PLPPR5: variants seen among roughly 807,000 people sequenced by gnomAD.
PLPPR5 encodes the protein phospholipid phosphatase-related protein type 5.
PLPPR5 carries 16 observed loss-of-function variants against 33.9 expected under a neutral mutation model. The observed-to-expected ratio is 0.47, with a 90% CI of 0.32 to 0.72. PLPPR5 has a LOEUF of 0.72. Among genes scored for constraint, PLPPR5 ranks in the 30% least tolerant of loss-of-function variants. The probability of loss-of-function intolerance (pLI) is 0.03; values close to 1 mark genes in which losing one functional copy is unlikely to be tolerated. For synonymous variants in PLPPR5, 163 were observed against 150.3 expected (o/e 1.08, Z -0.62); for missense variants, 301 against 406.7 (o/e 0.74, Z 2.23).
intron 5 of PLPPR5, among the ~76,000 whole-genome samples, chr1:98,902,477 C>A (rs572531299): frequency 1.5e-4 from 23 of 152,174 alleles, no homozygotes; most frequent in African/African-American, 5.3e-4. Flanking sequence ...TTACTGATTT[C>A]TTCTTTAATC....
At chr1:98,984,673 T>C (rs1218563628) in intron 1 of PLPPR5, among the ~76,000 whole-genome samples, 1 of 152,080 alleles carries the variant, frequency 6.6e-6, no homozygotes, top group African/African-American at 2.4e-5. Flanking sequence ...AAGTGACTAA[T>C]TGATAAGAAA....
intron 1 of PLPPR5, chr1:99,004,167 G>C: frequency 2.0e-6 from 1 of 497,766 alleles, no homozygotes; most frequent in Non-Finnish European, 3.6e-6. Context: ...CACCACCTAC[G>C]GCCCCTCTTC....
intron 5 of PLPPR5, among the ~76,000 whole-genome samples, chr1:98,909,863 C>A (rs529009735): frequency 6.6e-6 from 1 of 152,126 alleles, no homozygotes; most frequent in African/African-American, 2.4e-5. Flanking sequence ...ATGCAACGGG[C>A]CAGTTTCCAC....
intron 1 of PLPPR5, among the ~76,000 whole-genome samples, chr1:98,984,078 C>G (rs72732412): frequency 0.07 from 10,630 of 151,914 alleles, 506 homozygotes; most frequent in Non-Finnish European, 0.096. Flanking sequence ...CTAAGCTGCT[C>G]AAGTGTATCT....
chr1:99,004,980 G>A (rs1388216145), upstream of PLPPR5: 1 of 156,988 alleles, frequency 6.4e-6, no homozygotes, highest in Admixed American at 6.5e-5. Context: ...CCGGGCGACG[G>A]GCAGCGGCCG....
chr1:98,954,662 T>C (rs1425637342), intron 2 of PLPPR5, among the ~76,000 whole-genome samples: 3 of 152,166 alleles, frequency 2.0e-5, no homozygotes, highest in African/African-American at 7.2e-5. Context: ...GTTCACTCTT[T>C]ATCTAAAAAG....
intron 1 of PLPPR5, among the ~76,000 whole-genome samples, chr1:99,003,614 C>T (rs1652950278): frequency 6.6e-6 from 1 of 151,960 alleles, no homozygotes; most frequent in African/African-American, 2.4e-5. Flanking sequence ...TAATTTATCC[C>T]CAATAATTTC....
At chr1:98,943,994 A>G (rs1650467320) in intron 3 of PLPPR5, among the ~76,000 whole-genome samples, 1 of 152,196 alleles carries the variant, frequency 6.6e-6, no homozygotes, top group Admixed American at 6.5e-5. Flanking sequence ...CATAACTTAG[A>G]CTAAGGAGAT....
intron 5 of PLPPR5, among the ~76,000 whole-genome samples, chr1:98,894,915 A>G (rs1362599078): frequency 6.6e-6 from 1 of 152,092 alleles, no homozygotes; most frequent in Non-Finnish European, 1.5e-5. Flanking sequence ...GCACAAGTGC[A>G]AGCTGGACAG....
At chr1:98,899,169 G>A (rs1648588862) in intron 5 of PLPPR5, among the ~76,000 whole-genome samples, 1 of 152,160 alleles carries the variant, frequency 6.6e-6, no homozygotes, top group African/African-American at 2.4e-5. Flanking sequence ...CTGGATGATT[G>A]TAATGTAGAG....
intron 2 of PLPPR5, among the ~76,000 whole-genome samples, chr1:98,956,327 T>A (rs1650996575): frequency 6.6e-6 from 1 of 152,156 alleles, no homozygotes; most frequent in Admixed American, 6.5e-5. Context: ...TAGTATGTAA[T>A]GTTTATTTTT....
At chr1:98,893,251 A>G (rs1440811879) in intron 5 of PLPPR5, 147 bp from the exon 6 acceptor site, 13 of 611,922 alleles carry the variant, frequency 2.1e-5, no homozygotes, top group Non-Finnish European at 3.2e-5. Context: ...AGTTTTATGT[A>G]TTATTACACA....
At chr1:98,996,927 T>G (rs1207540954) in intron 1 of PLPPR5, among the ~76,000 whole-genome samples, 2 of 152,158 alleles carry the variant, frequency 1.3e-5, no homozygotes, top group African/African-American at 4.8e-5. Flanking sequence ...AGTGGGCAAC[T>G]GCAGCCAACA....
At position 98,953,159 on chromosome 1, in the gene PLPPR5, T is replaced by C; in HGVS notation, c.532A>G (p.Thr178Ala). 6.2e-7 allele frequency: 1 copy of C among 1,614,168 alleles called. No individual in the cohort carries two copies. Residue 178 changes from threonine to alanine, a missense_variant, in exon 3 of 6, where the codon ACT becomes GCT. Transcript: ENST00000263177. The part of the protein sequence containing the change: ...TQFISGEEAC[T>A]GNPDLIMRAR... ...CTCATGATGAGATCTGGGTTGCCAG[T>C]ACAGGCCTCTTCCCCACTGATGAAT...
At chr1:98,961,505 G>C (rs1314878425) in intron 1 of PLPPR5, among the ~76,000 whole-genome samples, 1 of 152,176 alleles carries the variant, frequency 6.6e-6, no homozygotes, top group Non-Finnish European at 1.5e-5. Context: ...TTGGCAACAA[G>C]AGCATCATTA....
intron 1 of PLPPR5, among the ~76,000 whole-genome samples, chr1:98,967,821 C>T (rs6677557): frequency 0.095 from 14,489 of 152,032 alleles, 845 homozygotes; most frequent in East Asian, 0.25. Flanking sequence ...GCCCTGAAGG[C>T]TCTTTCTAAG....
At chr1:98,900,310 ATTC>A (rs1320837061) in intron 5 of PLPPR5, among the ~76,000 whole-genome samples, 1 of 152,052 alleles carries the variant, frequency 6.6e-6, no homozygotes, top group Non-Finnish European at 1.5e-5. Flanking sequence ...CAGCTGGACC[ATTC>A]TTCTCTCTTG....
chr1:98,900,743 T>C (rs1648667581), intron 5 of PLPPR5, among the ~76,000 whole-genome samples: 1 of 152,144 alleles, frequency 6.6e-6, no homozygotes, highest in Non-Finnish European at 1.5e-5. Context: ...ATGTGGATAA[T>C]GGACCAAGTG....
chr1:98,958,919 G>A (rs901257237), intron 1 of PLPPR5, among the ~76,000 whole-genome samples: 2 of 151,952 alleles, frequency 1.3e-5, no homozygotes, highest in African/African-American at 4.8e-5. Flanking sequence ...GCTTCCACGG[G>A]GTCTCCATCC....
Sources: gnomAD v4.1 joint callset for allele counts (sites outside exome capture counted in the v4.1 genomes callset) on GRCh38, gnomAD v4.1.1 for gene constraint, MANE v1.5 for transcripts, NCBI Gene and HGNC (gene_info 2026-07-23, HGNC 2026-07-21) for gene names.